CD80: variants seen among roughly 807,000 people sequenced by gnomAD.
The protein encoded by CD80 is T-lymphocyte activation antigen CD80.
CD80 carries 13 observed loss-of-function variants against 27.1 expected under a neutral mutation model. The observed-to-expected ratio is 0.48, with a 90% CI of 0.31 to 0.76. CD80 has a LOEUF of 0.76. Among genes scored for constraint, CD80 ranks in the 30% least tolerant of loss-of-function variants. CD80 has a pLI of 0.04. For synonymous variants in CD80, 125 were observed against 125.5 expected (o/e 1.00, Z 0.03); for missense variants, 277 against 347.9 (o/e 0.80, Z 1.62).
chr3:119,554,226 G>C (rs181284063), intron 2 of CD80, among the ~76,000 whole-genome samples: 81 of 152,332 alleles, frequency 5.3e-4, no homozygotes, highest in African/African-American at 1.8e-3. Context: ...GCAGCATAGC[G>C]GTGTGTGTTG....
chr3:119,547,773 C>T (rs906446910), intron 2 of CD80, among the ~76,000 whole-genome samples: 8 of 152,146 alleles, frequency 5.3e-5, no homozygotes, highest in Admixed American at 5.2e-4. Context: ...TTAGCAGCCA[C>T]CTTACACCTT....
chr3:119,527,119 T>C (rs1369852254), intron 6 of CD80, among the ~76,000 whole-genome samples: 1 of 152,202 alleles, frequency 6.6e-6, no homozygotes, highest in Non-Finnish European at 1.5e-5. Context: ...TGTGAGGCAC[T>C]GGAAACCATG....
intron 3 of CD80, among the ~76,000 whole-genome samples, chr3:119,540,330 C>T (rs1055796137): frequency 2.0e-5 from 3 of 152,184 alleles, no homozygotes; most frequent in African/African-American, 7.2e-5. Context: ...GCCAGGCAAA[C>T]ACTTCCAGGA....
In CD80 at chr3:119,557,868, A is replaced by G. The variant is rs955917246; in HGVS notation, c.-140T>C. ...GAAGACCCTCCAGTGATGTTTACAA[A>G]ACACACAGAGATTGGAGGGTGTTCC... is the stretch of plus-strand genomic sequence containing the variant. On this transcript the variant is annotated 5_prime_UTR_variant, in exon 2 of 7. Transcript: ENST00000264246. The G allele has an allele frequency of 2.4e-5, 11 of 464,976 alleles. No homozygotes were observed. The highest frequency in any genetic ancestry group is 6.0e-5 in the African/African-American group (3 of 50,010). The allele number at this position is 464,976 out of a possible 1,614,324, so 28.8% of individuals were successfully genotyped here. A position where few individuals can be genotyped will look rare whatever the true frequency, so the allele number is the denominator to read the frequency against.
intron 5 of CD80, 91 bp from the exon 6 acceptor site, chr3:119,527,932 C>T (rs1433126601): frequency 1.8e-6 from 2 of 1,133,492 alleles, no homozygotes; most frequent in Admixed American, 3.7e-5. Context: ...AGGCTTCAGA[C>T]TGGCTTAGAA....
rs1285436123 is a variant in CD80, at chr3:119,544,539, A to T, written c.418+11T>A. 1.2e-6 allele frequency: 2 copies of T among 1,606,502 alleles called. No homozygotes were observed. The highest frequency in any genetic ancestry group is 4.5e-5 in the East Asian group (2 of 44,692). On this transcript the variant is annotated intron_variant, in intron 3 of 6. Coordinates refer to ENST00000264246, the MANE Select transcript of CD80 (RefSeq NM_005191.4). Reference sequence around the variant, plus strand: ...TGCCGGCCTAGAGTAAAATCAGAAAATCCCACCAACCTTTGACTGATAACG... The same window carrying T: ...TGCCGGCCTAGAGTAAAATCAGAAATTCCCACCAACCTTTGACTGATAACG...
At chr3:119,534,981 C>T (rs1051761333) in intron 4 of CD80, among the ~76,000 whole-genome samples, 3 of 152,058 alleles carry the variant, frequency 2.0e-5, no homozygotes, top group East Asian at 3.9e-4. Flanking sequence ...CACCTAAGGT[C>T]GAGAGTTCAA....
At chr3:119,542,799 AT>A (rs2107744136) in intron 3 of CD80, among the ~76,000 whole-genome samples, 2 of 152,300 alleles carry the variant, frequency 1.3e-5, no homozygotes, top group South Asian at 4.1e-4. Context: ...TGGGGAGTAG[AT>A]TGCCTTTGTA....
chr3:119,526,471 G>GA (rs1282169619), intron 6 of CD80, among the ~76,000 whole-genome samples: 1 of 152,284 alleles, frequency 6.6e-6, no homozygotes, highest in African/African-American at 2.4e-5. Flanking sequence ...CAGTGGAAAT[G>GA]AAAAAACAGG....
chr3:119,550,088 T>G (rs1292440317), intron 2 of CD80, among the ~76,000 whole-genome samples: 1 of 152,174 alleles, frequency 6.6e-6, no homozygotes, highest in Non-Finnish European at 1.5e-5. Context: ...ACATAGCAGG[T>G]CTTCTGTAAG....
chr3:119,533,305 A>G (rs750132294), intron 4 of CD80, among the ~76,000 whole-genome samples: 2 of 152,058 alleles, frequency 1.3e-5, no homozygotes, highest in Non-Finnish European at 2.9e-5. Context: ...CATGAGTATG[A>G]CTCTCTCAGA....
At chr3:119,547,215 C>T (rs2082206792) in intron 2 of CD80, among the ~76,000 whole-genome samples, 1 of 152,208 alleles carries the variant, frequency 6.6e-6, no homozygotes. Flanking sequence ...AAGCAACTTA[C>T]TTTACTTCTC....
chr3:119,556,021 C>A (rs930964418), intron 2 of CD80, among the ~76,000 whole-genome samples: 3 of 152,150 alleles, frequency 2.0e-5, no homozygotes, highest in Non-Finnish European at 2.9e-5. Flanking sequence ...ACAATCAGGG[C>A]AAAGCATTTC....
chr3:119,544,847 C>G lies in CD80; in HGVS notation c.121G>C (p.Glu41Gln). The G allele has an allele frequency of 1.2e-6, 2 of 1,614,046 alleles. No homozygotes were observed. Among genetic ancestry groups the G allele is most frequent in the Non-Finnish European group, 1.7e-6 (2 of 1,179,936 alleles). ...GACAGCGTTGCCACTTCTTTCACTT[C>G]CTTGGTCACGTGGATAACACCTATG... ...FCSGVIHVTK[E>Q]VKEVATLSCG... Residue 41 changes from glutamate (E) to glutamine (Q), a missense_variant, in exon 3 of 7, where the codon GAA becomes CAA. Physicochemically the swap from Glu to Gln is conservative, Grantham distance 29 (BLOSUM62 2). Coordinates refer to ENST00000264246, the MANE Select transcript of CD80 (RefSeq NM_005191.4).
chr3:119,552,073 C>T (rs953492782), intron 2 of CD80, among the ~76,000 whole-genome samples: 1 of 152,258 alleles, frequency 6.6e-6, no homozygotes, highest in African/African-American at 2.4e-5. Context: ...TGGCCTCAGC[C>T]TCTGCCTCTC....
intron 4 of CD80, among the ~76,000 whole-genome samples, chr3:119,535,048 T>C (rs1361480966): frequency 6.6e-6 from 1 of 152,028 alleles, no homozygotes. Flanking sequence ...AAAAATTATC[T>C]GTGTGTGGTG....
chr3:119,555,308 A>G (rs1198494483), intron 2 of CD80, among the ~76,000 whole-genome samples: 2 of 152,184 alleles, frequency 1.3e-5, no homozygotes, highest in African/African-American at 4.8e-5. Flanking sequence ...CTGGTATTGC[A>G]TATTCTATGG....
intron 2 of CD80, among the ~76,000 whole-genome samples, chr3:119,554,211 G>A (rs2107748238): frequency 6.6e-6 from 1 of 152,314 alleles, no homozygotes; most frequent in East Asian, 1.9e-4. Context: ...GGGACCCCTG[G>A]GCCAGCAGCA....
At chr3:119,547,404 T>G (rs2082207739) in intron 2 of CD80, among the ~76,000 whole-genome samples, 1 of 152,264 alleles carries the variant, frequency 6.6e-6, no homozygotes, top group Non-Finnish European at 1.5e-5. Context: ...ACAATTTGAC[T>G]GAGGAAGTTT....
Sources: gnomAD v4.1 joint callset for allele counts (sites outside exome capture counted in the v4.1 genomes callset) on GRCh38, gnomAD v4.1.1 for gene constraint, MANE v1.5 for transcripts, NCBI Gene and HGNC (gene_info 2026-07-23, HGNC 2026-07-21) for gene names.